The following ABL1 variants were observed in gnomAD, a reference collection of about 807,000 sequenced individuals.
ABL1 encodes tyrosine-protein kinase ABL1.
A neutral mutation model predicts 94.7 loss-of-function variants in ABL1; 11 were observed. That is an observed-to-expected ratio of 0.12 (90% CI 0.07 to 0.19). The LOEUF is 0.19. Ranked by LOEUF, ABL1 falls within the 10% of genes least tolerant of loss-of-function variation. ABL1 has a pLI of 1.00. For missense variants in ABL1, 1,082 were observed against 1,489.4 expected (o/e 0.73, Z 4.50); for synonymous variants, 656 against 622.4 (o/e 1.05, Z -0.80).
chr9:130,756,749 C>G (rs955605162), intron 1 of ABL1, among the ~76,000 whole-genome samples: 2 of 152,182 alleles, frequency 1.3e-5, no homozygotes, highest in East Asian at 3.8e-4. Context: ...CAGCATCAGC[C>G]TTGGTTGACT....
At position 130,886,153 on chromosome 9, in the gene ABL1, C is replaced by T. The variant is rs1323602612; in HGVS notation, c.*470C>T. The T allele has an allele frequency of 4.1e-6, 1 of 246,888 alleles. No homozygotes were observed. The highest frequency in any genetic ancestry group is 7.9e-6 in the Non-Finnish European group (1 of 126,604). 15.3% of individuals were successfully genotyped at this position (246,888 alleles called of 1,614,324 possible). A position where few individuals can be genotyped will look rare whatever the true frequency, so the allele number is the denominator to read the frequency against. On this transcript the variant is annotated 3_prime_UTR_variant, in exon 11 of 11. Coordinates refer to ENST00000318560, the MANE Select transcript of ABL1 (RefSeq NM_005157.6). ...TGTGTCAGGCCCTCTGCCTGCACTCCCTGGCCTTGCCCGTCGTGTGCTGAA... is the reference window on the plus strand; with the variant it reads ...TGTGTCAGGCCCTCTGCCTGCACTCTCTGGCCTTGCCCGTCGTGTGCTGAA...
At chr9:130,851,081 G>A (rs1338123494) in intron 1 of ABL1, among the ~76,000 whole-genome samples, 5 of 151,806 alleles carry the variant, frequency 3.3e-5, no homozygotes, top group Non-Finnish European at 5.9e-5. Flanking sequence ...CCGCCACCAC[G>A]CCCAGCTAAT....
chr9:130,834,525 T>TC (rs1251386369), upstream of ABL1, among the ~76,000 whole-genome samples: 2 of 151,922 alleles, frequency 1.3e-5, no homozygotes, highest in African/African-American at 2.4e-5. Context: ...TAAACAATGG[T>TC]CCCCCCACCC....
At chr9:130,883,614 C>G (rs1364655565) in intron 10 of ABL1, among the ~76,000 whole-genome samples, 1 of 152,172 alleles carries the variant, frequency 6.6e-6, no homozygotes, top group Non-Finnish European at 1.5e-5. Flanking sequence ...AGCAGCCCCC[C>G]ACCCACCCAC....
At chr9:130,782,992 A>G (rs545967305) in intron 1 of ABL1, among the ~76,000 whole-genome samples, 7 of 152,356 alleles carry the variant, frequency 4.6e-5, no homozygotes, top group African/African-American at 9.6e-5. Flanking sequence ...GAAATTGGCT[A>G]TATACTCACG....
At chr9:130,782,736 G>A (rs1285547579) in intron 1 of ABL1, among the ~76,000 whole-genome samples, 2 of 152,230 alleles carry the variant, frequency 1.3e-5, no homozygotes, top group Non-Finnish European at 2.9e-5. Context: ...GGTGGTGACT[G>A]TCCTTGCTAA....
At chr9:130,717,263 G>A (rs1438175195) in intron 1 of ABL1, among the ~76,000 whole-genome samples, 1 of 151,974 alleles carries the variant, frequency 6.6e-6, no homozygotes, top group African/African-American at 2.4e-5. Flanking sequence ...GGCTGGTCTT[G>A]AACTCCTGAC....
chr9:130,811,878 C>T (rs1278973375), intron 1 of ABL1, among the ~76,000 whole-genome samples: 1 of 120,504 alleles, frequency 8.3e-6, no homozygotes, highest in Non-Finnish European at 1.6e-5. Flanking sequence ...TGCTACTGCA[C>T]TGTAGTCTGA....
chr9:130,846,459 A>G lies in ABL1; in HGVS notation c.80-7605A>G, dbSNP rs1370376801. Among the ~76,000 whole-genome samples, 3 of 152,260 alleles carry G rather than the reference A, an allele frequency of 2.0e-5. No homozygotes were observed. In the East Asian group the frequency reaches 5.8e-4, roughly 29 times the overall value. The stretch of plus-strand genomic sequence containing the variant: ...AATATGAATAAAGCAGCACAAGTTT[A>G]AATAATTGAATGTGAGCAAAATTAA... On this transcript the variant is annotated intron_variant, in intron 1 of 10. Transcript: ENST00000318560.
In ABL1 at chr9:130,886,451, G is replaced by A. The variant is rs1831586069; in HGVS notation, c.*768G>A. ...CTCTTGCTCTCTTGTGACGTGCACT[G>A]TGAATCCTGGCAAGAAAGCTTGAGT... On this transcript the variant is annotated 3_prime_UTR_variant, in exon 11 of 11. Coordinates refer to ENST00000318560, the MANE Select transcript of ABL1 (RefSeq NM_005157.6). The A allele has an allele frequency of 1.3e-5, 3 of 233,594 alleles. No individual in the cohort carries two copies. In the East Asian group the frequency reaches 1.8e-4, roughly 14 times the overall value. The allele number at this position is 233,594 out of a possible 1,614,324, so 14.5% of individuals were successfully genotyped here.
upstream of ABL1, chr9:130,835,225 G>C (rs1022368687): frequency 3.9e-5 from 6 of 154,390 alleles, no homozygotes; most frequent in African/African-American, 1.5e-4. The surrounding 1 kb of genome is among the most constrained non-coding windows in gnomAD (Gnocchi z 4.6). Flanking sequence ...GCGGGGGCGG[G>C]CCTGGCGGGC....
At chr9:130,827,059 C>T (rs1830435816) in intron 1 of ABL1, among the ~76,000 whole-genome samples, 2 of 151,992 alleles carry the variant, frequency 1.3e-5, no homozygotes, top group Admixed American at 6.6e-5. Flanking sequence ...GCCTGGGCAA[C>T]AGAGCAAGAC....
chr9:130,848,829 C>T (rs1445261181), intron 1 of ABL1, among the ~76,000 whole-genome samples: 1 of 151,990 alleles, frequency 6.6e-6, no homozygotes, highest in Non-Finnish European at 1.5e-5. Context: ...ATCCCAGCTA[C>T]TCAGGAGGCT....
At chr9:130,830,314 A>G (rs761108664), upstream of ABL1, among the ~76,000 whole-genome samples, 5 of 152,226 alleles carry the variant, frequency 3.3e-5, no homozygotes, top group Non-Finnish European at 5.9e-5. Flanking sequence ...AAATACCAAC[A>G]GAAAAATCAG....
intron 3 of ABL1, among the ~76,000 whole-genome samples, chr9:130,856,203 C>T (rs571623606): frequency 6.6e-6 from 1 of 152,344 alleles, no homozygotes; most frequent in African/African-American, 2.4e-5. Context: ...TTTCTCCTGC[C>T]TCAGCCTTCC....
In ABL1 at chr9:130,880,001, A is replaced by G; in HGVS notation, c.1424-67A>G. On this transcript the variant is annotated intron_variant, in intron 8 of 10. Coordinates refer to ENST00000318560, the MANE Select transcript of ABL1 (RefSeq NM_005157.6). This position sits in a 1 kb window ranked among gnomAD's most constrained non-coding sequence, Gnocchi z 4.4. ...TGCTTTCATTCTAGACTTTTCCTTG[A>G]GAACTGCTAGCCCCGTATTGCTAGC... 1 of 1,445,584 alleles carries G rather than the reference A, an allele frequency of 6.9e-7. No homozygotes were observed. Among genetic ancestry groups the G allele is most frequent in the Non-Finnish European group, 9.7e-7 (1 of 1,027,108 alleles). 89.5% of individuals were successfully genotyped at this position (1,445,584 alleles called of 1,614,324 possible).
chr9:130,831,412 AT>A (rs1467786648), upstream of ABL1, among the ~76,000 whole-genome samples: 1 of 152,142 alleles, frequency 6.6e-6, no homozygotes, highest in African/African-American at 2.4e-5. Flanking sequence ...TAAATTCCAA[AT>A]TAAAAAAAAA....
intron 3 of ABL1, among the ~76,000 whole-genome samples, chr9:130,861,390 T>C (rs112043750): frequency 2.4e-3 from 372 of 152,364 alleles, no homozygotes; most frequent in African/African-American, 7.5e-3. Flanking sequence ...CGAATCCTTT[T>C]TACCTTCTTG....
intron 1 of ABL1, among the ~76,000 whole-genome samples, chr9:130,789,756 G>A (rs1829879987): frequency 6.6e-6 from 1 of 152,152 alleles, no homozygotes; most frequent in Non-Finnish European, 1.5e-5. Context: ...ATGTTCAGAA[G>A]TAAAAAGCAT....
Sources: gnomAD v4.1 joint callset for allele counts (sites outside exome capture counted in the v4.1 genomes callset) on GRCh38, gnomAD v4.1.1 for gene constraint, Gnocchi (gnomAD v3.1) non-coding constraint, MANE v1.5 for transcripts, NCBI Gene and HGNC (gene_info 2026-07-23, HGNC 2026-07-21) for gene names.